PLAA: variants seen among roughly 807,000 people sequenced by gnomAD.
PLAA encodes phospholipase A2 activating protein, also known as phospholipase A-2-activating protein.
In PLAA, 48 loss-of-function variants were observed where a neutral mutation model predicts 84.1. That is an observed-to-expected ratio of 0.57 (90% CI 0.45 to 0.73). PLAA has a LOEUF of 0.73. Ranked by LOEUF, PLAA falls within the 30% of genes least tolerant of loss-of-function variation. PLAA has a pLI of 0.00. For missense variants in PLAA, 903 were observed against 954.7 expected (o/e 0.95, Z 0.71); for synonymous variants, 392 against 336.6 (o/e 1.16, Z -1.80).
At chr9:26,938,923 C>G (rs1825439240) in intron 1 of PLAA, among the ~76,000 whole-genome samples, 1 of 152,092 alleles carries the variant, frequency 6.6e-6, no homozygotes, top group Non-Finnish European at 1.5e-5. Context: ...GTGACACCAA[C>G]AACCAAAAGG....
intron 12 of PLAA, 63 bp from the exon 13 acceptor site, chr9:26,908,061 G>A: frequency 4.7e-6 from 6 of 1,275,846 alleles, no homozygotes; most frequent in Non-Finnish European, 6.5e-6. Context: ...ATATATAAAT[G>A]CCAAGACTTT....
intron 13 of PLAA, among the ~76,000 whole-genome samples, chr9:26,907,403 C>T (rs1357867018): frequency 1.3e-5 from 2 of 152,080 alleles, no homozygotes; most frequent in African/African-American, 4.8e-5. Context: ...GTGGCGGGTG[C>T]CTATAGTCCC....
chr9:26,931,584 A>C (rs1432762858), intron 2 of PLAA, among the ~76,000 whole-genome samples: 4 of 152,206 alleles, frequency 2.6e-5, no homozygotes, highest in Non-Finnish European at 5.9e-5. Flanking sequence ...TCTGAACCTG[A>C]TAAAGCTACT....
chr9:26,916,470 A>G (rs1409186659), intron 10 of PLAA: 1 of 986,882 alleles, frequency 1.0e-6, no homozygotes, highest in African/African-American at 1.7e-5. Context: ...GAGATACACC[A>G]ACACTTCAAG....
Position 26,946,968 on chromosome 9 carries a change from G to A in PLAA, c.78C>T (p.Cys26=), listed in dbSNP as rs138151974. 7 of 1,590,744 alleles carry A rather than the reference G, an allele frequency of 4.4e-6. No homozygotes were observed. In the African/African-American group the frequency reaches 6.7e-5, roughly 15 times the overall value. ...GHELDVRGLV[C]CAYPPGAFVS... ...CAAAGGCTCCCGGCGGATAGGCGCA[G>A]CACACCAGGCCCCGTACGTCCAGCT... Residue 26 remains cysteine, a synonymous_variant, in exon 1 of 14, where the codon TGC becomes TGT. Transcript: ENST00000397292.
chr9:26,940,578 G>A (rs756339713), intron 1 of PLAA, among the ~76,000 whole-genome samples: 6 of 152,092 alleles, frequency 3.9e-5, no homozygotes, highest in Non-Finnish European at 7.4e-5. Context: ...TGGTGGTGAT[G>A]GTTACACATT....
At chr9:26,940,927 G>A (rs1010619191) in intron 1 of PLAA, among the ~76,000 whole-genome samples, 1 of 152,110 alleles carries the variant, frequency 6.6e-6, no homozygotes, top group East Asian at 1.9e-4. Flanking sequence ...GATAGAACAT[G>A]TTTTAAAATC....
Position 26,935,206 on chromosome 9 carries a change from A to C in PLAA, c.150T>G (p.Ser50Arg), listed in dbSNP as rs756103623. Residue 50 changes from serine to arginine, a missense_variant and splice_region_variant, in exon 2 of 14, where the codon AGT (serine) becomes AGG (arginine). Ser to Arg is a moderately radical substitution (Grantham distance 110, BLOSUM62 -1). Transcript: ENST00000397292. ...GCATTTCTGTAAAGCTCCTGTTTGG[A>C]CTGGAAAGACAAGATAATTAATAGA... ...DRTTRLWAPD[S>R]PNRSFTEMHC... 2.6e-6 allele frequency: 4 copies of C among 1,544,964 alleles called. No homozygotes were observed. Among genetic ancestry groups the C allele is most frequent in the Non-Finnish European group, 3.5e-6 (4 of 1,151,994 alleles).
At chr9:26,933,813 A>AAT (rs1245021919) in intron 2 of PLAA, among the ~76,000 whole-genome samples, 7 of 146,144 alleles carry the variant, frequency 4.8e-5, no homozygotes, top group African/African-American at 7.7e-5. Context: ...AAAAAAAAAA[A>AAT]TTTTTTGTTT....
chr9:26,905,717 G>A lies in PLAA; in HGVS notation c.2182C>T (p.Leu728=), dbSNP rs976413337. 1.2e-6 allele frequency: 2 copies of A among 1,614,038 alleles called. No individual in the cohort carries two copies. Among genetic ancestry groups the A allele is most frequent in the African/African-American group, 1.3e-5 (1 of 74,940 alleles). ...ACTACTTCCAAGATTGTGCTAATTA[G>A]TGACAAACATTGGGCTTTCCCTTCA... ...NIEGKAQCLS[L]ISTILEVVQD... The change falls in exon 14 of 14, where the codon CTA becomes TTA. Residue 728 remains leucine, a synonymous_variant. Coordinates refer to ENST00000397292, the MANE Select transcript of PLAA (RefSeq NM_001031689.3).
intron 10 of PLAA, chr9:26,916,745 G>C: frequency 1.1e-6 from 1 of 939,320 alleles, no homozygotes; most frequent in Non-Finnish European, 1.3e-6. Flanking sequence ...AGACAGGTTA[G>C]GTAACTTGCC....
In PLAA at chr9:26,907,837, C is replaced by T. The variant is rs1439867093; in HGVS notation, c.1819G>A (p.Glu607Lys). 1 of 1,600,972 alleles carries T rather than the reference C, an allele frequency of 6.2e-7. No homozygotes were observed. Among genetic ancestry groups the T allele is most frequent in the East Asian group, 2.2e-5 (1 of 44,606 alleles). ...QILWKAINCP[E>K]DIVFPALDIL... ...TTTTTGAAGAGTGTTTATTTACCTT[C>T]AGGACAGTTAATAGCTTTCCACAAA... Residue 607 changes from glutamate (E) to lysine (K), a missense_variant, in exon 13 of 14, where the codon GAA (glutamate) becomes AAA (lysine). By Grantham distance (56) the Glu-to-Lys change is moderately conservative. Transcript: ENST00000397292.
chr9:26,947,135 A>C lies in PLAA; in HGVS notation c.-90T>G. 4 of 1,378,108 alleles carry C rather than the reference A, an allele frequency of 2.9e-6. No individual in the cohort carries two copies. Among genetic ancestry groups the C allele is most frequent in the Non-Finnish European group, 3.8e-6 (4 of 1,058,792 alleles). 85.4% of individuals were successfully genotyped at this position (1,378,108 alleles called of 1,614,324 possible). ...GGAGAGCGCCGGGCCGCGGCGGGAG[A>C]AGAGCCTGCAGGTAAGGGGCGGCCG... On this transcript the variant is annotated 5_prime_UTR_variant, in exon 1 of 14. Transcript: ENST00000397292.
chr9:26,924,056 C>A (rs1824859272), intron 6 of PLAA, among the ~76,000 whole-genome samples: 1 of 152,148 alleles, frequency 6.6e-6, no homozygotes, highest in Non-Finnish European at 1.5e-5. Context: ...GCCTATAAAT[C>A]AGCCTCTGTC....
chr9:26,944,039 A>T (rs1825617287), intron 1 of PLAA, among the ~76,000 whole-genome samples: 2 of 152,212 alleles, frequency 1.3e-5, no homozygotes, highest in South Asian at 4.1e-4. Context: ...CTTCAATGCA[A>T]CCATGTTGAG....
At chr9:26,944,939 C>A (rs192032144) in intron 1 of PLAA, among the ~76,000 whole-genome samples, 2 of 152,300 alleles carry the variant, frequency 1.3e-5, no homozygotes, top group African/African-American at 4.8e-5. Context: ...ACCAGCCTGA[C>A]CAACATGGAG....
chr9:26,944,582 A>G (rs1825631105), intron 1 of PLAA, among the ~76,000 whole-genome samples: 1 of 151,646 alleles, frequency 6.6e-6, no homozygotes, highest in South Asian at 2.1e-4. Flanking sequence ...ACAATAGCTG[A>G]TGAGCATTTT....
intron 1 of PLAA, among the ~76,000 whole-genome samples, chr9:26,938,942 T>C (rs1016379622): frequency 1.3e-5 from 2 of 152,154 alleles, no homozygotes; most frequent in African/African-American, 4.8e-5. Flanking sequence ...GGGGTGAAGA[T>C]GGAGCTATAA....
At chr9:26,915,722 A>G (rs965904173) in intron 10 of PLAA, 2 of 985,112 alleles carry the variant, frequency 2.0e-6, no homozygotes, top group East Asian at 1.1e-4. Context: ...GCATATCTAC[A>G]TAATTACTGC....
Sources: allele counts gnomAD v4.1 joint callset (sites outside exome capture counted in the v4.1 genomes callset), GRCh38; gene constraint gnomAD v4.1.1; transcripts MANE v1.5; gene names NCBI Gene and HGNC (gene_info 2026-07-23, HGNC 2026-07-21).